GSE1: variants seen among roughly 807,000 people sequenced by gnomAD.
GSE1 encodes the protein Gse1 coiled-coil protein.
Under a neutral mutation model 112.6 loss-of-function variants are expected in GSE1, and 32 were observed. The ratio of observed to expected loss-of-function variants is 0.28; its 90% CI spans 0.21 to 0.38. GSE1 has a LOEUF of 0.38. GSE1 is among the 10% of genes least tolerant of loss of function. The pLI, the probability that GSE1 is intolerant of heterozygous loss-of-function variation, is 1.00. For missense variants in GSE1, 2,348 were observed against 1,699.2 expected (o/e 1.38, Z -6.71); for synonymous variants, 1,115 against 735.6 (o/e 1.52, Z -8.35).
intron 2 of GSE1, among the ~76,000 whole-genome samples, chr16:85,408,657 G>C (rs1236371888): frequency 2.3e-5 from 1 of 43,678 alleles, no homozygotes; most frequent in Non-Finnish European, 4.4e-5. Context: ...AGGGCCCCCC[G>C]GATAATCCTC....
intron 2 of GSE1, among the ~76,000 whole-genome samples, chr16:85,531,166 G>A (rs2151182722): frequency 6.6e-6 from 1 of 152,354 alleles, no homozygotes; most frequent in Non-Finnish European, 1.5e-5. Flanking sequence ...AGTGGGAAGG[G>A]GACATGGGGA....
At chr16:85,629,651 T>C (rs1326236405) in intron 1 of GSE1, among the ~76,000 whole-genome samples, 1 of 152,134 alleles carries the variant, frequency 6.6e-6, no homozygotes, top group Non-Finnish European at 1.5e-5. Context: ...AGCTTTCTCA[T>C]AGGGCGGCCA....
At chr16:85,348,115 C>A (rs1199641892) in intron 1 of GSE1, among the ~76,000 whole-genome samples, 1 of 152,192 alleles carries the variant, frequency 6.6e-6, no homozygotes, top group Non-Finnish European at 1.5e-5. Flanking sequence ...GGTTCTGCCC[C>A]AGGCTTCAAG....
intron 2 of GSE1, among the ~76,000 whole-genome samples, chr16:85,489,527 C>G (rs912921170): frequency 1.4e-4 from 21 of 152,300 alleles, no homozygotes; most frequent in Admixed American, 1.3e-3. Context: ...GACCCAGACA[C>G]ACAGCCAGTG....
intron 2 of GSE1, among the ~76,000 whole-genome samples, chr16:85,404,851 T>A (rs56060758): frequency 3.9e-3 from 39 of 10,014 alleles, no homozygotes; most frequent in Admixed American, 5.1e-3. Context: ...TCACTGTTAC[T>A]CTCAGGCCCC....
chr16:85,431,074 C>CGGG (rs11414934), intron 2 of GSE1, among the ~76,000 whole-genome samples: 3 of 150,140 alleles, frequency 2.0e-5, no homozygotes, highest in African/African-American at 7.6e-5. Flanking sequence ...GCCACTGCCT[C>CGGG]GGGGGGCGGA....
intron 2 of GSE1, among the ~76,000 whole-genome samples, chr16:85,521,177 G>A (rs903599626): frequency 1.3e-5 from 2 of 152,190 alleles, no homozygotes; most frequent in African/African-American, 4.8e-5. Flanking sequence ...GCCATCCGCT[G>A]ATACTTGATG....
chr16:85,400,920 AG>A (rs2048098665), intron 2 of GSE1, among the ~76,000 whole-genome samples: 1 of 151,970 alleles, frequency 6.6e-6, no homozygotes, highest in African/African-American at 2.4e-5. Flanking sequence ...TGTGTGCGGA[AG>A]GGGTCATAAT....
intron 1 of GSE1, among the ~76,000 whole-genome samples, chr16:85,596,394 G>A (rs1020673001): frequency 1.3e-5 from 2 of 152,206 alleles, no homozygotes; most frequent in Admixed American, 1.3e-4. Context: ...CATGACAGCA[G>A]CCGGGCACCT....
intron 1 of GSE1, among the ~76,000 whole-genome samples, chr16:85,337,292 TTTTTC>T (rs1268573261): frequency 2.6e-5 from 4 of 151,192 alleles, no homozygotes; most frequent in South Asian, 4.2e-4. Context: ...AGGACTTTTT[TTTTTC>T]TTTTCTTTTC....
chr16:85,410,578 G>A lies in GSE1; in HGVS notation c.2464+52935G>A, dbSNP rs71183771. Among the ~76,000 whole-genome samples the A allele has an allele frequency of 5.2e-3, 35 of 6,738 alleles. 3 individuals are homozygous for A. The highest frequency in any genetic ancestry group is 0.056 in the Middle Eastern group (1 of 18). The allele number at this position is 6,738 out of a possible 152,430, so 4.4% of individuals were successfully genotyped here. A position where few individuals can be genotyped will look rare whatever the true frequency, so the allele number is the denominator to read the frequency against. On this transcript the variant is annotated intron_variant, in intron 2 of 2. Coordinates refer to the GSE1 transcript ENST00000637419. ...ACTCAGGGTCCCTCTGATAATCCTC[G>A]CTGTTACACTCAGGCCCCCCGGATA...
At chr16:85,348,893 G>C (rs1310464569) in intron 1 of GSE1, among the ~76,000 whole-genome samples, 4 of 151,814 alleles carry the variant, frequency 2.6e-5, no homozygotes, top group Admixed American at 2.0e-4. Context: ...CCCGAGAGAT[G>C]GGGGAGAGTC....
At chr16:85,539,622 G>A (rs16975715) in intron 2 of GSE1, among the ~76,000 whole-genome samples, 7,299 of 152,270 alleles carry the variant, frequency 0.048, 199 homozygotes, top group Middle Eastern at 0.11. Context: ...TTTCTCCACT[G>A]TTGGAGGCCG....
At chr16:85,184,413 T>C (rs757465546) in intron 1 of GSE1, among the ~76,000 whole-genome samples, 16 of 152,252 alleles carry the variant, frequency 1.1e-4, no homozygotes, top group Non-Finnish European at 1.9e-4. Context: ...CCTCAGGATG[T>C]GGAGAGAGAA....
chr16:85,501,472 C>A (rs2051365316), intron 2 of GSE1, among the ~76,000 whole-genome samples: 1 of 149,546 alleles, frequency 6.7e-6, no homozygotes, highest in Non-Finnish European at 1.5e-5. Context: ...TAGCTCACTG[C>A]AGCTTCAACT....
intron 2 of GSE1, among the ~76,000 whole-genome samples, chr16:85,430,126 T>A (rs2049085128): frequency 6.6e-6 from 1 of 152,184 alleles, no homozygotes; most frequent in African/African-American, 2.4e-5. Flanking sequence ...ATCTAGCACT[T>A]TTTGAGCACT....
At chr16:85,627,729 C>G (rs547768524) in intron 1 of GSE1, among the ~76,000 whole-genome samples, 116 of 151,960 alleles carry the variant, frequency 7.6e-4, no homozygotes, top group African/African-American at 2.8e-3. Flanking sequence ...GAGCGTATTC[C>G]CAGCTGTTAG....
At chr16:85,454,877 G>A (rs1053734247) in intron 2 of GSE1, among the ~76,000 whole-genome samples, 1 of 152,148 alleles carries the variant, frequency 6.6e-6, no homozygotes. Context: ...CTCATCTCAG[G>A]AGCCTTAAGT....
At chr16:85,621,658 C>A (rs1035015211) in intron 1 of GSE1, among the ~76,000 whole-genome samples, 2 of 152,172 alleles carry the variant, frequency 1.3e-5, no homozygotes, top group Non-Finnish European at 2.9e-5. Flanking sequence ...ACTCTGAATC[C>A]ACTAACAGCA....
Sources: allele counts gnomAD v4.1 joint callset (sites outside exome capture counted in the v4.1 genomes callset), GRCh38; gene constraint gnomAD v4.1.1; transcripts MANE v1.5; gene names NCBI Gene and HGNC (gene_info 2026-07-23, HGNC 2026-07-21).